NFIA: variants seen among roughly 807,000 people sequenced by gnomAD.
NFIA encodes the protein nuclear factor 1 A-type.
In NFIA, 8 loss-of-function variants were observed where a neutral mutation model predicts 62.8. The ratio of observed to expected loss-of-function variants is 0.13; its 90% CI spans 0.07 to 0.23. NFIA has a LOEUF of 0.23. Among genes scored for constraint, NFIA ranks in the 10% least tolerant of loss-of-function variants. The probability of loss-of-function intolerance (pLI) is 1.00; values close to 1 mark genes in which losing one functional copy is unlikely to be tolerated. For synonymous variants in NFIA, 235 were observed against 238.1 expected, an observed-to-expected ratio of 0.99 and a Z score of 0.12; for missense variants, 410 against 642.1, an observed-to-expected ratio of 0.64 and a Z score of 3.91.
chr1:61,101,489 G>T (rs1227530960), intron 2 of NFIA, among the ~76,000 whole-genome samples: 1 of 151,664 alleles, frequency 6.6e-6, no homozygotes, highest in Non-Finnish European at 1.5e-5. Context: ...TTTTTAAAGG[G>T]CATCCTTCTA....
intron 9 of NFIA, among the ~76,000 whole-genome samples, chr1:61,423,905 TAA>T (rs1459540697): frequency 2.6e-5 from 4 of 152,150 alleles, no homozygotes; most frequent in African/African-American, 9.7e-5. Flanking sequence ...TTCTATGGAA[TAA>T]ACTTGCCTGG....
intron 3 of NFIA, 102 bp downstream of exon 3, chr1:61,277,687 C>G: frequency 9.1e-7 from 1 of 1,099,360 alleles, no homozygotes; most frequent in East Asian, 2.4e-5. Flanking sequence ...AAGTAGCCCA[C>G]AGTAGGAACA....
rs1646254862 is a variant in NFIA, at chr1:61,088,223, G to A, written c.102G>A (p.Gln34=). ...TTGCCTACACATGGTTCAACCTGCA[G>A]GCCCGAAAACGAAAATACTTCAAAA... ...RAFAYTWFNL[Q]ARKRKYFKKH... The change falls in exon 2 of 11, where the codon CAG becomes CAA. Residue 34 remains glutamine (Q), a synonymous_variant. Transcript: ENST00000403491. The surrounding 1 kb of genome is among the most constrained non-coding windows in gnomAD (Gnocchi z 4.5). 4 of 1,613,646 alleles carry A rather than the reference G, an allele frequency of 2.5e-6. No individual in the cohort carries two copies. The highest frequency in any genetic ancestry group is 3.4e-6 in the Non-Finnish European group (4 of 1,179,950).
chr1:61,357,561 GC>G (rs1663030855), intron 5 of NFIA, among the ~76,000 whole-genome samples: 1 of 152,102 alleles, frequency 6.6e-6, no homozygotes, highest in South Asian at 2.1e-4. Context: ...TAGCTCAGGA[GC>G]CATTTCCTCC....
intron 2 of NFIA, among the ~76,000 whole-genome samples, chr1:61,137,680 T>A (rs1647225441): frequency 6.6e-6 from 1 of 152,164 alleles, no homozygotes; most frequent in African/African-American, 2.4e-5. Flanking sequence ...TGATTCCAGG[T>A]AGGCAACCTG....
chr1:61,393,283 CT>C (rs1665093381), intron 7 of NFIA, among the ~76,000 whole-genome samples: 1 of 88,936 alleles, frequency 1.1e-5, no homozygotes, highest in Non-Finnish European at 2.0e-5. Context: ...CTCTCTCTCT[CT>C]CTCTCTCCCT....
chr1:61,432,233 T>C (rs1441108497), intron 10 of NFIA, among the ~76,000 whole-genome samples: 1 of 151,666 alleles, frequency 6.6e-6, no homozygotes, highest in Non-Finnish European at 1.5e-5. Flanking sequence ...TTTTTTTTTT[T>C]TTTGCCAATC....
chr1:61,164,626 A>AT (rs1214144488), intron 2 of NFIA, among the ~76,000 whole-genome samples: 2 of 151,740 alleles, frequency 1.3e-5, no homozygotes, highest in African/African-American at 4.8e-5. Context: ...CGCCCGGCTA[A>AT]TTTTTTTGTA....
chr1:61,189,390 G>A (rs1246163351), intron 2 of NFIA, among the ~76,000 whole-genome samples: 2 of 152,132 alleles, frequency 1.3e-5, no homozygotes, highest in Non-Finnish European at 2.9e-5. Flanking sequence ...TCATTGGCTG[G>A]GTGCAGTGGC....
chr1:61,334,050 G>A (rs1221161929), intron 4 of NFIA, among the ~76,000 whole-genome samples: 1 of 152,290 alleles, frequency 6.6e-6, no homozygotes, highest in African/African-American at 2.4e-5. Context: ...GTTAAGCTAA[G>A]TCTCTATAAT....
intron 2 of NFIA, among the ~76,000 whole-genome samples, chr1:61,206,551 C>G (rs1652912695): frequency 6.6e-6 from 1 of 152,176 alleles, no homozygotes; most frequent in African/African-American, 2.4e-5. Flanking sequence ...AGAAGTCAGT[C>G]TGAAGATTTT....
At chr1:61,162,883 A>G (rs1370365661) in intron 2 of NFIA, among the ~76,000 whole-genome samples, 1 of 152,090 alleles carries the variant, frequency 6.6e-6, no homozygotes, top group Non-Finnish European at 1.5e-5. Flanking sequence ...ACAGAGTGAA[A>G]GTTTATATAA....
At chr1:61,286,771 A>C (rs1658529517) in intron 3 of NFIA, among the ~76,000 whole-genome samples, 1 of 152,244 alleles carries the variant, frequency 6.6e-6, no homozygotes, top group South Asian at 2.1e-4. Context: ...TAAGGGATTA[A>C]AGAAGGGAGG....
intron 2 of NFIA, among the ~76,000 whole-genome samples, chr1:61,114,264 C>T (rs1646758482): frequency 6.6e-6 from 1 of 151,288 alleles, no homozygotes; most frequent in African/African-American, 2.5e-5. Flanking sequence ...GTAGAAAGAC[C>T]TATGTAGAAA....
chr1:61,101,927 TAAC>T (rs940124402), intron 2 of NFIA, among the ~76,000 whole-genome samples: 25 of 152,172 alleles, frequency 1.6e-4, no homozygotes, highest in African/African-American at 5.8e-4. Context: ...ATAAATGAAA[TAAC>T]AACAAGAAAA....
At chr1:61,149,082 A>T (rs1202470649) in intron 2 of NFIA, among the ~76,000 whole-genome samples, 3 of 131,994 alleles carry the variant, frequency 2.3e-5, no homozygotes, top group Non-Finnish European at 3.2e-5. Flanking sequence ...TTTGGATGAG[A>T]TATGGGTCTA....
At chr1:61,249,722 T>A (rs1337952053) in intron 2 of NFIA, among the ~76,000 whole-genome samples, 1 of 152,148 alleles carries the variant, frequency 6.6e-6, no homozygotes, top group Non-Finnish European at 1.5e-5. Context: ...CAAGAATTGC[T>A]TGAACCCGGG....
At chr1:61,408,257 A>G (rs1665942000) in intron 9 of NFIA, among the ~76,000 whole-genome samples, 2 of 152,242 alleles carry the variant, frequency 1.3e-5, no homozygotes, top group Admixed American at 1.3e-4. Context: ...GTGTCCAATG[A>G]CAGAGAAGCA....
At chr1:61,116,238 A>G (rs1646791591) in intron 2 of NFIA, among the ~76,000 whole-genome samples, 3 of 152,204 alleles carry the variant, frequency 2.0e-5, no homozygotes, top group East Asian at 1.9e-4. Context: ...AAGCCCTTGT[A>G]TACAGTGAAA....
Sources: gnomAD v4.1 joint callset for allele counts (sites outside exome capture counted in the v4.1 genomes callset) on GRCh38, gnomAD v4.1.1 for gene constraint, Gnocchi (gnomAD v3.1) non-coding constraint, MANE v1.5 for transcripts, NCBI Gene and HGNC (gene_info 2026-07-23, HGNC 2026-07-21) for gene names.